The following NKAIN2 variants were observed in gnomAD, a reference collection of about 807,000 sequenced individuals.
NKAIN2 encodes sodium/potassium-transporting ATPase subunit beta-1-interacting protein 2.
Under a neutral mutation model 32.6 loss-of-function variants are expected in NKAIN2, and 14 were observed. That is an observed-to-expected ratio of 0.43 (90% confidence interval 0.28 to 0.67). The LOEUF is 0.67. NKAIN2 is among the 30% of genes least tolerant of loss of function. The pLI is 0.17. For synonymous variants in NKAIN2, 80 were observed against 87.2 expected (o/e 0.92, Z 0.46); for missense variants, 198 against 258.3 (o/e 0.77, Z 1.60).
At chr6:124,788,547 A>G (rs922719654) in intron 4 of NKAIN2, among the ~76,000 whole-genome samples, 23 of 152,132 alleles carry the variant, frequency 1.5e-4, no homozygotes, top group African/African-American at 5.3e-4. Context: ...AAGGGGAAGC[A>G]AAGACCTTCT....
At chr6:124,044,717 G>C (rs1189171931) in intron 1 of NKAIN2, among the ~76,000 whole-genome samples, 1 of 151,992 alleles carries the variant, frequency 6.6e-6, no homozygotes, top group South Asian at 2.1e-4. Context: ...TGGTATTTTT[G>C]ACCTTCTGCT....
intron 2 of NKAIN2, among the ~76,000 whole-genome samples, chr6:124,340,424 AATAG>A (rs1798068797): frequency 6.6e-6 from 1 of 152,084 alleles, no homozygotes; most frequent in Non-Finnish European, 1.5e-5. Flanking sequence ...AAGGTTTCTT[AATAG>A]ATAAACTTGT....
intron 4 of NKAIN2, among the ~76,000 whole-genome samples, chr6:124,719,426 A>C (rs1256921392): frequency 6.6e-6 from 1 of 152,194 alleles, no homozygotes; most frequent in Non-Finnish European, 1.5e-5. Flanking sequence ...TTTTGCAATC[A>C]TCAATGACTT....
At chr6:123,906,548 C>T (rs893534984) in intron 1 of NKAIN2, among the ~76,000 whole-genome samples, 1 of 152,184 alleles carries the variant, frequency 6.6e-6, no homozygotes, top group Non-Finnish European at 1.5e-5. Flanking sequence ...TTGCCTCAGC[C>T]TCCCAAGGTG....
intron 4 of NKAIN2, among the ~76,000 whole-genome samples, chr6:124,668,225 C>T (rs948507003): frequency 6.6e-6 from 1 of 152,104 alleles, no homozygotes; most frequent in Non-Finnish European, 1.5e-5. Flanking sequence ...AGTTATTTGT[C>T]ACGTGATTAT....
intron 1 of NKAIN2, chr6:123,829,259 T>A (rs1774276163): frequency 6.6e-6 from 1 of 152,158 alleles, no homozygotes; most frequent in Admixed American, 6.5e-5. Context: ...CTCAGATGAT[T>A]CTCAAATTAA....
chr6:124,495,979 G>A (rs1026295641), intron 3 of NKAIN2, among the ~76,000 whole-genome samples: 7 of 152,122 alleles, frequency 4.6e-5, no homozygotes, highest in Non-Finnish European at 1.0e-4. Flanking sequence ...ATAGTTAGTG[G>A]CAGTTTGACA....
intron 4 of NKAIN2, among the ~76,000 whole-genome samples, chr6:124,725,607 C>A: frequency 6.6e-6 from 1 of 152,268 alleles, no homozygotes; most frequent in South Asian, 2.1e-4. Flanking sequence ...CAAGAGTCTT[C>A]CAAATGATAC....
At chr6:124,088,483 GGT>G (rs1562351102) in intron 1 of NKAIN2, among the ~76,000 whole-genome samples, 1 of 152,026 alleles carries the variant, frequency 6.6e-6, no homozygotes, top group East Asian at 1.9e-4. Context: ...TTATCTTAGA[GGT>G]GTCTTTATCA....
intron 3 of NKAIN2, among the ~76,000 whole-genome samples, chr6:124,499,303 C>T (rs939454599): frequency 6.6e-6 from 1 of 152,086 alleles, no homozygotes; most frequent in Non-Finnish European, 1.5e-5. Flanking sequence ...AATGTTGGTC[C>T]TACAGCCTGT....
chr6:123,906,820 A>C (rs560829895), intron 1 of NKAIN2, among the ~76,000 whole-genome samples: 94 of 152,336 alleles, frequency 6.2e-4, no homozygotes, highest in Middle Eastern at 3.4e-3. Context: ...TCTCATTTAT[A>C]AACATCATTC....
chr6:124,718,982 G>A (rs937476905), intron 4 of NKAIN2, among the ~76,000 whole-genome samples: 1 of 152,100 alleles, frequency 6.6e-6, no homozygotes, highest in East Asian at 1.9e-4. Context: ...CATTTCTGTC[G>A]AATGAAGGTG....
chr6:124,731,656 A>G (rs1352449163), intron 4 of NKAIN2, among the ~76,000 whole-genome samples: 2 of 151,446 alleles, frequency 1.3e-5, no homozygotes, highest in Non-Finnish European at 1.5e-5. Flanking sequence ...ACATGTATAC[A>G]TATGTAACTA....
chr6:124,236,730 A>G lies in NKAIN2; in HGVS notation c.55-46275A>G, dbSNP rs75385606. On this transcript the variant is annotated intron_variant, in intron 1 of 6. Coordinates refer to ENST00000368417, the MANE Select transcript of NKAIN2 (RefSeq NM_001040214.3). ...TTGGGCAGGGCTAGTATAAAAGGCA[A>G]CTCGGATGGTGGTAAACATAGATGC... 7.6e-3 allele frequency among the ~76,000 whole-genome samples: 1,150 copies of G among 152,162 alleles called. 16 individuals are homozygous for G. The highest frequency in any genetic ancestry group is 0.027 in the African/African-American group (1,117 of 41,536).
At position 124,410,763 on chromosome 6, in the gene NKAIN2, G is replaced by A. The variant is rs567671624; in HGVS notation, c.273+55416G>A. 7.2e-5 allele frequency among the ~76,000 whole-genome samples: 11 copies of A among 152,252 alleles called. No individual in the cohort carries two copies. The East Asian group carries it at 2.1e-3, about 29-fold the overall frequency. On this transcript the variant is annotated intron_variant, in intron 3 of 6. Coordinates refer to ENST00000368417, the MANE Select transcript of NKAIN2 (RefSeq NM_001040214.3). Reference sequence around the variant, plus strand: ...TCCTGGATATCCTTGTTAACTTTCTGTCTCGATCTGTCTAATGTTGACAGT... The same window carrying A: ...TCCTGGATATCCTTGTTAACTTTCTATCTCGATCTGTCTAATGTTGACAGT...
chr6:124,804,484 C>G, intron 5 of NKAIN2: 1 of 950,368 alleles, frequency 1.1e-6, no homozygotes. Flanking sequence ...TGTTACCAAG[C>G]TTAAAATATT....
chr6:124,758,993 T>C (rs972385699), intron 4 of NKAIN2, among the ~76,000 whole-genome samples: 2 of 152,178 alleles, frequency 1.3e-5, no homozygotes, highest in Non-Finnish European at 2.9e-5. Context: ...ACTATAACAA[T>C]AACTTTTCTG....
rs948516812 is a variant in NKAIN2, at chr6:124,385,126, A to G, written c.273+29779A>G. 2.6e-5 allele frequency among the ~76,000 whole-genome samples: 4 copies of G among 152,180 alleles called. No homozygotes were observed. In the East Asian group the frequency reaches 7.7e-4, roughly 29 times the overall value. ...GTATCATGGTGCCAAAAGTCTCGCC[A>G]AGTTAAGTCACGTGTCACAAATGGA... On this transcript the variant is annotated intron_variant, in intron 3 of 6. Coordinates refer to ENST00000368417, the MANE Select transcript of NKAIN2 (RefSeq NM_001040214.3).
Position 124,172,696 on chromosome 6 carries a change from G to A in NKAIN2, c.55-110309G>A, listed in dbSNP as rs186006173. ...ACTTATGGAATCATTACTTCTTTTT[G>A]TTTTACTACATTAAATTCACCTTAA... On this transcript the variant is annotated intron_variant, in intron 1 of 6. Coordinates refer to ENST00000368417, the MANE Select transcript of NKAIN2 (RefSeq NM_001040214.3). 3.1e-3 allele frequency among the ~76,000 whole-genome samples: 473 copies of A among 152,126 alleles called. 4 individuals are homozygous for A. The highest frequency in any genetic ancestry group is 0.011 in the African/African-American group (455 of 41,512).
Sources: allele counts gnomAD v4.1 joint callset (sites outside exome capture counted in the v4.1 genomes callset), GRCh38; gene constraint gnomAD v4.1.1; transcripts MANE v1.5; gene names NCBI Gene and HGNC (gene_info 2026-07-23, HGNC 2026-07-21).